Variants in MYH15 observed in about 807,000 individuals in gnomAD.
The protein encoded by MYH15 is myosin heavy chain 15.
A neutral mutation model predicts 240.5 loss-of-function variants in MYH15; 227 were observed. That is an observed-to-expected ratio of 0.94 (90% confidence interval 0.85 to 1.05). The LOEUF is 1.05. Ranked by LOEUF, MYH15 falls within the 50% of genes least tolerant of loss-of-function variation. MYH15 has a pLI of 0.00. For missense variants in MYH15, 2,217 were observed against 2,247.5 expected (o/e 0.99, Z 0.27); for synonymous variants, 785 against 796.7 (o/e 0.99, Z 0.25).
intron 20 of MYH15, among the ~76,000 whole-genome samples, 181 bp from the exon 21 acceptor site, chr3:108,454,323 T>TG: frequency 6.6e-6 from 1 of 151,744 alleles, no homozygotes; most frequent in South Asian, 2.1e-4. Context: ...ATCTAAAATG[T>TG]GAAAAAAAAA....
Position 108,460,374 on chromosome 3 carries a change from A to AC in MYH15, c.1865-8_1865-7insG. On this transcript the variant is annotated splice_polypyrimidine_tract_variant and splice_region_variant and intron_variant, in intron 16 of 40. Transcript: ENST00000693548. ...TTCTCCCCAAATGGTATAGCTAGCA[A>AC]AAAAAAAAAAAGAAAAAGATGAAAA... 1 of 501,932 alleles carries AC rather than the reference A, an allele frequency of 2.0e-6. No homozygotes were observed. 31.1% of individuals were successfully genotyped at this position (501,932 alleles called of 1,614,324 possible).
chr3:108,492,828 G>T (rs946983972), intron 8 of MYH15, among the ~76,000 whole-genome samples: 1 of 152,192 alleles, frequency 6.6e-6, no homozygotes, highest in Admixed American at 6.5e-5. Flanking sequence ...GCACATGCCT[G>T]TAGCTGCAGC....
In MYH15 at chr3:108,483,202, T is replaced by TAA. The variant is rs58381577; in HGVS notation, c.1114+1887_1114+1888dup. Among the ~76,000 whole-genome samples, 49 of 81,070 alleles carry TAA rather than the reference T, an allele frequency of 6.0e-4. 1 individual carries two copies. Among genetic ancestry groups the TAA allele is most frequent in the East Asian group, 8.6e-4 (3 of 3,480 alleles). 53.2% of individuals were successfully genotyped at this position (81,070 alleles called of 152,430 possible). ...GCCACAGAGCAAGACTCTGTCTCCA[T>TAA]AAAAAAAAAAAAAAAAAAAATCACA... On this transcript the variant is annotated intron_variant, in intron 11 of 40. Transcript: ENST00000693548.
At chr3:108,474,204 A>C in intron 12 of MYH15, among the ~76,000 whole-genome samples, 1 of 152,080 alleles carries the variant, frequency 6.6e-6, no homozygotes, top group East Asian at 1.9e-4. Flanking sequence ...GTCTCTATAA[A>C]ATCAGAAAAA....
chr3:108,460,263 G>A (rs201481202), intron 17 of MYH15, 37 bp downstream of exon 17: 7 of 1,460,958 alleles, frequency 4.8e-6, no homozygotes, highest in Middle Eastern at 1.8e-4. Context: ...CAGATTGTGA[G>A]GCAATTAATA....
rs772518938 is a variant in MYH15, at chr3:108,416,980, G to A, written c.3830-50C>T. On this transcript the variant is annotated intron_variant, in intron 28 of 40. Coordinates refer to ENST00000693548, the MANE Select transcript of MYH15 (RefSeq NM_014981.3). Reference sequence around the variant, plus strand: ...CATAATTACAGTCTTCCTATCTATTGCCTCCTTCACTTGACTTACTGACTT... The same window carrying A: ...CATAATTACAGTCTTCCTATCTATTACCTCCTTCACTTGACTTACTGACTT... 1.1e-5 allele frequency: 15 copies of A among 1,397,494 alleles called. No individual in the cohort carries two copies. The Middle Eastern group carries it at 5.3e-4, about 50-fold the overall frequency. The allele number at this position is 1,397,494 out of a possible 1,614,324, so 86.6% of individuals were successfully genotyped here.
intron 35 of MYH15, among the ~76,000 whole-genome samples, chr3:108,397,145 T>C (rs1286722526): frequency 6.6e-6 from 1 of 152,186 alleles, no homozygotes; most frequent in Non-Finnish European, 1.5e-5. Context: ...ACTTCACTCT[T>C]AGCTACTCAA....
At chr3:108,426,407 C>T (rs1560349527) in intron 27 of MYH15, among the ~76,000 whole-genome samples, 1 of 152,062 alleles carries the variant, frequency 6.6e-6, no homozygotes, top group African/African-American at 2.4e-5. Context: ...GAGAGGATTC[C>T]CTTGAGACCT....
At chr3:108,389,880 G>A (rs900000770) in intron 37 of MYH15, among the ~76,000 whole-genome samples, 2 of 152,100 alleles carry the variant, frequency 1.3e-5, no homozygotes, top group Non-Finnish European at 1.5e-5. Context: ...GCCTTCTTGA[G>A]AACGGGAAGG....
intron 27 of MYH15, among the ~76,000 whole-genome samples, chr3:108,425,482 G>T (rs1343548530): frequency 6.6e-6 from 1 of 152,182 alleles, no homozygotes; most frequent in Non-Finnish European, 1.5e-5. Flanking sequence ...TACTTAAAAA[G>T]TAGACAGACC....
chr3:108,410,538 T>G, intron 31 of MYH15, 45 bp downstream of exon 31: 22 of 1,418,906 alleles, frequency 1.6e-5, no homozygotes, highest in Non-Finnish European at 2.0e-5. Flanking sequence ...GGGCTCTTCC[T>G]GAGCTACCCG....
intron 2 of MYH15, 23 bp from the exon 3 acceptor site, chr3:108,501,878 T>C (rs766153337): frequency 1.2e-6 from 2 of 1,609,894 alleles, no homozygotes. Context: ...GAAAAATATA[T>C]GATATATTCC....
At chr3:108,394,515 T>C (rs923182171) in intron 35 of MYH15, among the ~76,000 whole-genome samples, 3 of 152,204 alleles carry the variant, frequency 2.0e-5, no homozygotes, top group Admixed American at 6.5e-5. Context: ...AGAGCAGAAG[T>C]TGGGGTCAGT....
chr3:108,419,248 A>C (rs1320630884), intron 28 of MYH15, among the ~76,000 whole-genome samples: 2 of 152,176 alleles, frequency 1.3e-5, no homozygotes, highest in Admixed American at 1.3e-4. Context: ...ACAAATAAAC[A>C]ATCTGGAACG....
intron 37 of MYH15, among the ~76,000 whole-genome samples, chr3:108,389,803 G>A (rs1194687815): frequency 6.6e-6 from 1 of 152,162 alleles, no homozygotes; most frequent in Non-Finnish European, 1.5e-5. Context: ...CCCTGCCTAG[G>A]GGGCTCTTAC....
chr3:108,543,727 G>C, the MYH15 span: 1 of 152,312 alleles, frequency 6.6e-6, no homozygotes, highest in East Asian at 1.9e-4. Flanking sequence ...GATGGGTCCA[G>C]ATGCAGGATG....
At chr3:108,550,841 G>C in the MYH15 span, 1 of 164,596 alleles carries the variant, frequency 6.1e-6, no homozygotes, top group Admixed American at 6.4e-5. Flanking sequence ...AAACAGAATA[G>C]AAAGCAACTA....
At chr3:108,519,515 G>C (rs529024702) in intron 1 of MYH15, among the ~76,000 whole-genome samples, 2 of 152,286 alleles carry the variant, frequency 1.3e-5, no homozygotes, top group African/African-American at 4.8e-5. Flanking sequence ...GGAGCAGGCT[G>C]AAAGTATGGA....
chr3:108,444,173 A>T (rs560457719), intron 22 of MYH15, among the ~76,000 whole-genome samples: 3 of 151,782 alleles, frequency 2.0e-5, no homozygotes, highest in Non-Finnish European at 4.4e-5. Context: ...TAATTAATTA[A>T]TTTTTTTAAA....
Sources: allele counts gnomAD v4.1 joint callset (sites outside exome capture counted in the v4.1 genomes callset), GRCh38; gene constraint gnomAD v4.1.1; transcripts MANE v1.5; gene names NCBI Gene and HGNC (gene_info 2026-07-23, HGNC 2026-07-21).